TRIM16: variants seen among roughly 807,000 people sequenced by gnomAD.
The protein encoded by TRIM16 is tripartite motif-containing protein 16.
TRIM16 carries 33 observed loss-of-function variants against 50.4 expected under a neutral mutation model. The ratio of observed to expected loss-of-function variants is 0.65; its 90% CI spans 0.50 to 0.88. The LOEUF is 0.88. TRIM16 is among the 40% of genes least tolerant of loss of function. The pLI is 0.00. For missense variants in TRIM16, 581 were observed against 686.8 expected (o/e 0.85, Z 1.72); for synonymous variants, 229 against 270.7 (o/e 0.85, Z 1.51).
At chr17:15,682,998 C>A in intron 2 of TRIM16, 38 bp downstream of exon 2, 7 of 1,550,214 alleles carry the variant, frequency 4.5e-6, no homozygotes, top group South Asian at 1.2e-5. Flanking sequence ...ACTGCAGATT[C>A]TTGGCTAATG....
rs201301397 is a variant in TRIM16 at position 15,669,580 on chromosome 17, A to G, written c.-338+7596T>C. 3.4e-3 allele frequency among the ~76,000 whole-genome samples: 510 copies of G among 152,222 alleles called. 10 individuals are homozygous for G. The East Asian group carries it at 0.057, about 17-fold the overall frequency. ...TCTTTTACTTATACACTTCTACAGT[A>G]TACTATTTGATTCTGTCACAAAGAA... On this transcript the variant is annotated intron_variant, in intron 6 of 11. Coordinates refer to ENST00000649191, the MANE Select transcript of TRIM16 (RefSeq NM_001348119.1).
chr17:15,648,585 G>A (rs968505163), intron 7 of TRIM16, among the ~76,000 whole-genome samples: 2 of 152,134 alleles, frequency 1.3e-5, no homozygotes, highest in Non-Finnish European at 2.9e-5. Context: ...TTAGCCCTTC[G>A]CATGACCCAA....
Position 15,628,882 on chromosome 17 carries a change from G to A in TRIM16, c.1428C>T (p.Phe476=), listed in dbSNP as rs1285555000. The change falls in exon 12 of 12, where the codon TTC becomes TTT. Residue 476 remains phenylalanine (F), a synonymous_variant. Transcript: ENST00000649191. ...TCTCCATGTCACTGTACCAGGCCGT[G>A]AACTCCTTCCCGTTCCATTGGAGGC... ...SWSLQWNGKE[F]TAWYSDMETP... 1.9e-6 allele frequency: 3 copies of A among 1,614,108 alleles called. No homozygotes were observed. The highest frequency in any genetic ancestry group is 2.5e-6 in the Non-Finnish European group (3 of 1,180,052).
At chr17:15,643,899 G>C (rs1157879777) in intron 7 of TRIM16, among the ~76,000 whole-genome samples, 1 of 151,986 alleles carries the variant, frequency 6.6e-6, no homozygotes. Flanking sequence ...CTTATGAATA[G>C]GAAAAACAAA....
In TRIM16 at chr17:15,632,551, G is replaced by C. The variant is rs772373973; in HGVS notation, c.973C>G (p.Leu325Val). ...TGGAGCTTTTTCTTATAGTTCTCCA[G>C]CAACTGGATTAAGTGTACAGTGGAT... is the stretch of plus-strand genomic sequence containing the variant. ...TESTVHLIQL[L>V]ENYKKKLQEF... The change falls in exon 10 of 12, where the codon CTG (leucine) becomes GTG (valine). Residue 325 changes from leucine to valine, a missense_variant. Physicochemically the swap from Leu to Val is conservative, Grantham distance 32. Around this residue, in one of 3 missense-constraint regions of TRIM16, gnomAD observed 450 missense variants for 544.3 expected, o/e 0.83. Coordinates refer to ENST00000649191, the MANE Select transcript of TRIM16 (RefSeq NM_001348119.1). The C allele has an allele frequency of 1.9e-6, 3 of 1,613,054 alleles. No individual in the cohort carries two copies. The South Asian group carries it at 3.3e-5, about 18-fold the overall frequency.
At chr17:15,653,730 G>A (rs1987838194) in intron 6 of TRIM16, among the ~76,000 whole-genome samples, 1 of 152,176 alleles carries the variant, frequency 6.6e-6, no homozygotes, top group Admixed American at 6.5e-5. Context: ...ACATTTGTAG[G>A]GGAAGGAGAC....
At chr17:15,660,384 T>C (rs947709406) in intron 6 of TRIM16, among the ~76,000 whole-genome samples, 1 of 152,204 alleles carries the variant, frequency 6.6e-6, no homozygotes, top group African/African-American at 2.4e-5. Flanking sequence ...AGCTCAATTC[T>C]TCATTCCACT....
chr17:15,654,931 G>A (rs969399630), intron 6 of TRIM16, among the ~76,000 whole-genome samples: 5 of 151,976 alleles, frequency 3.3e-5, no homozygotes, highest in African/African-American at 9.7e-5. Flanking sequence ...ACAGCACTAT[G>A]AGATGGGGAA....
At chr17:15,671,697 T>C (rs1339589532) in intron 6 of TRIM16, among the ~76,000 whole-genome samples, 1 of 152,064 alleles carries the variant, frequency 6.6e-6, no homozygotes, top group Non-Finnish European at 1.5e-5. Flanking sequence ...ATCATGATGA[T>C]AATGATGTTA....
intron 6 of TRIM16, among the ~76,000 whole-genome samples, chr17:15,658,479 C>T (rs7212288): frequency 0.039 from 5,989 of 152,162 alleles, 308 homozygotes; most frequent in African/African-American, 0.12. Context: ...TATTTGTCCA[C>T]CAGACTTCAA....
intron 6 of TRIM16, among the ~76,000 whole-genome samples, chr17:15,673,916 G>A (rs1292618562): frequency 6.6e-6 from 1 of 152,022 alleles, no homozygotes; most frequent in African/African-American, 2.4e-5. Flanking sequence ...CTCTTCTGTT[G>A]GGATTGCATA....
intron 6 of TRIM16, among the ~76,000 whole-genome samples, chr17:15,661,133 C>G (rs1392955873): frequency 6.6e-6 from 1 of 152,154 alleles, no homozygotes; most frequent in East Asian, 1.9e-4. Context: ...GCTGTGTGAC[C>G]TTTGTAAGTA....
chr17:15,635,792 A>G (rs1251249525), intron 9 of TRIM16, among the ~76,000 whole-genome samples: 145 of 128,840 alleles, frequency 1.1e-3, no homozygotes, highest in South Asian at 1.2e-3. Context: ...CCTGGAACAT[A>G]CTGCACGTTG....
intron 8 of TRIM16, among the ~76,000 whole-genome samples, chr17:15,639,189 G>A (rs1001875090): frequency 2.1e-5 from 3 of 142,788 alleles, no homozygotes; most frequent in African/African-American, 8.1e-5. Flanking sequence ...GAAACCACAG[G>A]TGCATGCCTT....
chr17:15,657,548 T>A (rs1988034717), intron 6 of TRIM16, among the ~76,000 whole-genome samples: 1 of 152,118 alleles, frequency 6.6e-6, no homozygotes, highest in Non-Finnish European at 1.5e-5. Flanking sequence ...TCATTCCCTC[T>A]CCCCCTCCAG....
chr17:15,628,544 C>T lies in TRIM16; in HGVS notation c.*71G>A. ...CAGCTACCATCAGCAGTTATTTCTG[C>T]CCCCAAATCACCCTAAAATGCAAAT... is the stretch of plus-strand genomic sequence containing the variant. On this transcript the variant is annotated 3_prime_UTR_variant, in exon 12 of 12. Transcript: ENST00000649191. 6.8e-6 allele frequency: 10 copies of T among 1,473,514 alleles called. No individual in the cohort carries two copies. Among genetic ancestry groups the T allele is most frequent in the Non-Finnish European group, 9.0e-6 (10 of 1,106,746 alleles). 91.3% of individuals were successfully genotyped at this position (1,473,514 alleles called of 1,614,324 possible).
intron 6 of TRIM16, among the ~76,000 whole-genome samples, chr17:15,652,316 TTC>T (rs1347781226): frequency 9.5e-6 from 1 of 105,050 alleles, no homozygotes; most frequent in Non-Finnish European, 1.7e-5. Context: ...CCCGGCTAAT[TTC>T]TTTTTTTTTT....
At chr17:15,629,376 G>C (rs1027329117) in intron 11 of TRIM16, among the ~76,000 whole-genome samples, 178 bp from the exon 12 acceptor site, 1 of 152,216 alleles carries the variant, frequency 6.6e-6, no homozygotes, top group East Asian at 1.9e-4. Context: ...AGAAAACAGA[G>C]AGCACAAATC....
chr17:15,664,974 G>A (rs145275842), intron 6 of TRIM16, among the ~76,000 whole-genome samples: 2 of 147,170 alleles, frequency 1.4e-5, no homozygotes, highest in African/African-American at 5.1e-5. Flanking sequence ...GGAGGTTGCA[G>A]TGAGCAGAGA....
Sources: gnomAD v4.1 joint callset for allele counts (sites outside exome capture counted in the v4.1 genomes callset) on GRCh38, gnomAD v4.1.1 for gene constraint, gnomAD v4.1.1 regional missense constraint, MANE v1.5 for transcripts, NCBI Gene and HGNC (gene_info 2026-07-23, HGNC 2026-07-21) for gene names.